The following CTNNAL1 variants were observed in gnomAD, a reference collection of about 807,000 sequenced individuals.
CTNNAL1 encodes the protein catenin alpha like 1.
CTNNAL1 carries 69 observed loss-of-function variants against 93.6 expected under a neutral mutation model. That is an observed-to-expected ratio of 0.74 (90% CI 0.61 to 0.90). CTNNAL1 has a LOEUF of 0.90. Among genes scored for constraint, CTNNAL1 ranks in the 40% least tolerant of loss-of-function variants. The pLI is 0.00. For synonymous variants in CTNNAL1, 286 were observed against 305.4 expected (o/e 0.94, Z 0.66); for missense variants, 836 against 862.0 (o/e 0.97, Z 0.38).
In CTNNAL1 at chr9:108,997,369, AG is replaced by A. The variant is rs564126926; in HGVS notation, c.331+1697del. Among the ~76,000 whole-genome samples, 5 of 152,298 alleles carry A rather than the reference AG, an allele frequency of 3.3e-5. No homozygotes were observed. In the East Asian group the frequency reaches 7.7e-4, roughly 23 times the overall value. ...CTGCCTTCAGTCTCAACCTTCTCTC[AG>A]GCTGTCCTCATTCGTTCACTTCCTC... On this transcript the variant is annotated intron_variant, in intron 2 of 18. Coordinates refer to ENST00000325551, the MANE Select transcript of CTNNAL1 (RefSeq NM_003798.4).
intron 6 of CTNNAL1, 87 bp from the exon 7 acceptor site, chr9:108,979,568 G>T: frequency 8.3e-7 from 1 of 1,209,256 alleles, no homozygotes. Flanking sequence ...CAGTGCCCAG[G>T]AAAACACTAG....
intron 6 of CTNNAL1, among the ~76,000 whole-genome samples, chr9:108,982,787 G>C (rs928119943): frequency 1.3e-5 from 2 of 152,152 alleles, no homozygotes; most frequent in African/African-American, 2.4e-5. Context: ...CTTTAAAATG[G>C]AAAGAAAAGA....
intron 2 of CTNNAL1, among the ~76,000 whole-genome samples, chr9:108,996,213 C>G (rs71499682): frequency 7.8e-4 from 118 of 152,246 alleles, no homozygotes; most frequent in Non-Finnish European, 6.5e-4. Context: ...ATCCACCCGC[C>G]TTGGCCTCCA....
intron 15 of CTNNAL1, 102 bp downstream of exon 15, chr9:108,948,084 T>C: frequency 7.7e-7 from 1 of 1,305,324 alleles, no homozygotes; most frequent in Non-Finnish European, 1.1e-6. Flanking sequence ...TAGGTACAGA[T>C]GTAAGCATAT....
intron 8 of CTNNAL1, among the ~76,000 whole-genome samples, chr9:108,975,514 C>T (rs983004062): frequency 6.6e-6 from 1 of 152,084 alleles, no homozygotes; most frequent in Admixed American, 6.6e-5. Context: ...TGACAAAAAT[C>T]AACAACAGCT....
intron 15 of CTNNAL1, among the ~76,000 whole-genome samples, chr9:108,946,183 C>T (rs1251440539): frequency 2.6e-5 from 4 of 151,886 alleles, no homozygotes; most frequent in Non-Finnish European, 5.9e-5. Flanking sequence ...CCTGTAGTCC[C>T]AGCTACTCGG....
At chr9:108,987,022 C>A (rs2132163850) in intron 4 of CTNNAL1, among the ~76,000 whole-genome samples, 1 of 152,202 alleles carries the variant, frequency 6.6e-6, no homozygotes, top group East Asian at 1.9e-4. Flanking sequence ...TGCAGAAGCT[C>A]TTTAGTTTAA....
At chr9:108,991,807 C>A (rs958156869) in intron 3 of CTNNAL1, 1 of 435,100 alleles carries the variant, frequency 2.3e-6, no homozygotes. Flanking sequence ...ACAACTCCTT[C>A]CCTGGCCAAC....
chr9:108,994,177 G>T (rs1015483666), intron 2 of CTNNAL1, among the ~76,000 whole-genome samples: 4 of 152,048 alleles, frequency 2.6e-5, no homozygotes, highest in Admixed American at 6.6e-5. Flanking sequence ...GTTGCAGTCA[G>T]CTGAGATGGC....
chr9:109,013,015 C>T (rs576546781), intron 1 of CTNNAL1, among the ~76,000 whole-genome samples: 1 of 152,332 alleles, frequency 6.6e-6, no homozygotes, highest in African/African-American at 2.4e-5. Context: ...GAGCCGCAGA[C>T]CCGAGGCAGG....
chr9:109,006,935 T>A (rs1312471931), intron 1 of CTNNAL1, among the ~76,000 whole-genome samples: 2 of 152,106 alleles, frequency 1.3e-5, no homozygotes. Context: ...ATTGTACCCA[T>A]CAGCCAGGCG....
intron 15 of CTNNAL1, among the ~76,000 whole-genome samples, chr9:108,947,410 G>A (rs1830439442): frequency 6.6e-6 from 1 of 152,178 alleles, no homozygotes; most frequent in Non-Finnish European, 1.5e-5. Context: ...ACCGCGCCTG[G>A]CCTAAAGTGA....
intron 7 of CTNNAL1, among the ~76,000 whole-genome samples, chr9:108,977,718 T>G (rs1437453440): frequency 6.6e-6 from 1 of 152,172 alleles, no homozygotes; most frequent in Non-Finnish European, 1.5e-5. Context: ...GATATTCAAT[T>G]CTTTGCATGA....
intron 8 of CTNNAL1, 31 bp from the exon 9 acceptor site, chr9:108,972,864 G>GGGGGGGCGCCCCCCCC: frequency 7.7e-5 from 11 of 142,502 alleles, no homozygotes; most frequent in Non-Finnish European, 1.1e-4. Flanking sequence ...GGGGGGGTGG[G>GGGGGGGCGCCCCCCCC]AGGGTGGAGA....
intron 8 of CTNNAL1, 31 bp from the exon 9 acceptor site, chr9:108,972,864 G>GGGGGAA: frequency 6.3e-5 from 9 of 142,588 alleles, no homozygotes; most frequent in Admixed American, 4.0e-4. Flanking sequence ...GGGGGGGTGG[G>GGGGGAA]AGGGTGGAGA....
At chr9:108,943,889 C>G in intron 16 of CTNNAL1, 73 bp from the exon 17 acceptor site, 1 of 1,598,932 alleles carries the variant, frequency 6.3e-7, no homozygotes, top group South Asian at 1.1e-5. Flanking sequence ...CACATTTATA[C>G]ATTGATATTA....
chr9:109,013,494 C>T lies in CTNNAL1; in HGVS notation c.-52G>A. 7.6e-7 allele frequency: 1 copy of T among 1,309,604 alleles called. No homozygotes were observed. The highest frequency in any genetic ancestry group is 2.2e-5 in the South Asian group (1 of 44,588). 81.1% of individuals were successfully genotyped at this position (1,309,604 alleles called of 1,614,324 possible). A position where few individuals can be genotyped will look rare whatever the true frequency, so the allele number is the denominator to read the frequency against. The stretch of plus-strand genomic sequence containing the variant: ...ACTCCGCGCCGCGGCGAGCCTGCCG[C>T]CAGTCAGCCCACCCGCCCGAGGCGG... On this transcript the variant is annotated 5_prime_UTR_variant, in exon 1 of 19. Coordinates refer to ENST00000325551, the MANE Select transcript of CTNNAL1 (RefSeq NM_003798.4).
intron 10 of CTNNAL1, among the ~76,000 whole-genome samples, chr9:108,967,600 T>C (rs982204764): frequency 1.3e-5 from 2 of 152,028 alleles, no homozygotes; most frequent in Non-Finnish European, 2.9e-5. Flanking sequence ...TGTATCAAAA[T>C]AAAGGGTGAG....
At chr9:108,996,947 C>T (rs1157131545) in intron 2 of CTNNAL1, among the ~76,000 whole-genome samples, 1 of 152,080 alleles carries the variant, frequency 6.6e-6, no homozygotes, top group Non-Finnish European at 1.5e-5. Flanking sequence ...TCTTGCCTTC[C>T]AGGAAGTACA....
Sources: allele counts gnomAD v4.1 joint callset (sites outside exome capture counted in the v4.1 genomes callset), GRCh38; gene constraint gnomAD v4.1.1; transcripts MANE v1.5; gene names NCBI Gene and HGNC (gene_info 2026-07-23, HGNC 2026-07-21).